The following HDAC8 variants were observed in gnomAD, a reference collection of about 807,000 sequenced individuals.
HDAC8 encodes histone deacetylase 8.
In HDAC8, 1 loss-of-function variant was observed where a neutral mutation model predicts 32.2. The observed-to-expected ratio is 0.03, with a 90% CI of 0.01 to 0.15. The LOEUF (loss-of-function observed/expected upper bound fraction) is 0.15, where lower values mean the gene tolerates loss of function less well. HDAC8 is among the 10% of genes least tolerant of loss of function. HDAC8 has a pLI of 1.00. For synonymous variants in HDAC8, 108 were observed against 113.9 expected (o/e 0.95, Z 0.33); for missense variants, 117 against 300.0 (o/e 0.39, Z 4.51).
intron 10 of HDAC8, chrX:72,351,214 C>T (rs181931363): frequency 6.6e-5 from 13 of 196,132 alleles, no homozygotes; most frequent in African/African-American, 2.8e-4. Flanking sequence ...ATCCTCCTGC[C>T]TCAGCCTCTC....
chrX:72,552,276 AC>A (rs1465852705), intron 4 of HDAC8, among the ~76,000 whole-genome samples: 1 of 109,815 alleles, frequency 9.1e-6, no homozygotes, highest in African/African-American at 3.3e-5. Context: ...AGCCTAGGCA[AC>A]ATAAGGAGAC....
chrX:72,486,079 C>T (rs1429811246), intron 7 of HDAC8, among the ~76,000 whole-genome samples: 1 of 108,949 alleles, frequency 9.2e-6, no homozygotes, highest in Non-Finnish European at 1.9e-5. Flanking sequence ...CCTAGATCGC[C>T]GACAGAGTGA....
chrX:72,495,699 T>C (rs7057134), intron 4 of HDAC8, among the ~76,000 whole-genome samples: 3,174 of 111,607 alleles, frequency 0.028, 109 homozygotes, highest in African/African-American at 0.097. Flanking sequence ...ATGTAGAAGA[T>C]GTTAGAGATT....
intron 7 of HDAC8, among the ~76,000 whole-genome samples, chrX:72,469,936 G>A (rs1326284621): frequency 2.7e-5 from 3 of 110,540 alleles, no homozygotes; most frequent in African/African-American, 9.9e-5. Context: ...ATCACTTGAG[G>A]TCAGGAGTTT....
chrX:72,439,053 G>T (rs1278140874), intron 9 of HDAC8, among the ~76,000 whole-genome samples: 6 of 111,338 alleles, frequency 5.4e-5, no homozygotes, highest in Non-Finnish European at 1.1e-4. Context: ...ATTGTTAAGG[G>T]CAGCCAGAGA....
chrX:72,398,608 G>C lies in HDAC8; in HGVS notation c.1006-46770C>G, dbSNP rs782729741. Among the ~76,000 whole-genome samples the C allele has an allele frequency of 5.5e-5, 6 of 109,591 alleles. No individual in the cohort carries two copies. The South Asian group carries it at 2.4e-3, about 44-fold the overall frequency. ...CCTCGACCGAGATCTCTAAGTGTTGGGATTATAGGTGTGAGCCACCACGTC... is the reference window on the plus strand; with the variant it reads ...CCTCGACCGAGATCTCTAAGTGTTGCGATTATAGGTGTGAGCCACCACGTC... On this transcript the variant is annotated intron_variant, in intron 9 of 10. Transcript: ENST00000373573.
intron 9 of HDAC8, among the ~76,000 whole-genome samples, chrX:72,419,580 T>C (rs1206971069): frequency 9.0e-6 from 1 of 111,604 alleles, no homozygotes; most frequent in Non-Finnish European, 1.9e-5. Flanking sequence ...ACTTCTTCCT[T>C]TCTAATTTGG....
At chrX:72,397,887 T>C (rs1459667103) in intron 9 of HDAC8, among the ~76,000 whole-genome samples, 2 of 112,337 alleles carry the variant, frequency 1.8e-5, no homozygotes, top group African/African-American at 6.5e-5. Context: ...ATCTGTTGTT[T>C]CTAGTTTTCT....
chrX:72,553,964 T>C (rs2051180033), intron 4 of HDAC8, among the ~76,000 whole-genome samples: 1 of 112,217 alleles, frequency 8.9e-6, no homozygotes, highest in African/African-American at 3.2e-5. Context: ...GTTTCCTCTT[T>C]TGTGAATTGT....
At chrX:72,409,326 T>A (rs1426533968) in intron 9 of HDAC8, among the ~76,000 whole-genome samples, 1 of 111,705 alleles carries the variant, frequency 9.0e-6, no homozygotes, top group Admixed American at 9.5e-5. Context: ...ACCATTTTAA[T>A]CACCTCTGCA....
At chrX:72,472,066 TTA>T (rs201994014) in intron 7 of HDAC8, among the ~76,000 whole-genome samples, 1,619 of 109,622 alleles carry the variant, frequency 0.015, 34 homozygotes, top group African/African-American at 0.049. Context: ...TTATTTTATT[TTA>T]TTTATTTTTT....
At chrX:72,334,315 CT>C (rs1464376840) in intron 10 of HDAC8, among the ~76,000 whole-genome samples, 1 of 111,999 alleles carries the variant, frequency 8.9e-6, no homozygotes, top group African/African-American at 3.2e-5. Flanking sequence ...CCTCTTGATC[CT>C]TTTTTCATTT....
intron 9 of HDAC8, among the ~76,000 whole-genome samples, chrX:72,435,700 G>A (rs914564420): frequency 2.7e-5 from 3 of 111,898 alleles, no homozygotes; most frequent in African/African-American, 9.7e-5. Context: ...AGGCACAGTG[G>A]CTCACACCTG....
Position 72,572,086 on chromosome X carries a change from A to G in HDAC8, c.135T>C (p.Ile45=), listed in dbSNP as rs1556159779. 14 of 1,195,864 alleles carry G rather than the reference A, an allele frequency of 1.2e-5. No individual in the cohort carries two copies. Among genetic ancestry groups the G allele is most frequent in the Non-Finnish European group, 1.6e-5 (14 of 888,525 alleles). ...TCTGCTTATGCAGTGCATATGCTTC[A>G]ATCAAAGAATGCACCATACTGGCCT... The part of the protein sequence containing the change: ...PKRASMVHSL[I]EAYALHKQMR... The change falls in exon 2 of 11, where the codon ATT becomes ATC. Residue 45 remains isoleucine (I), a synonymous_variant. Coordinates refer to ENST00000373573, the MANE Select transcript of HDAC8 (RefSeq NM_018486.3).
chrX:72,445,647 C>G (rs782542554), intron 9 of HDAC8, among the ~76,000 whole-genome samples: 2 of 111,756 alleles, frequency 1.8e-5, no homozygotes, highest in South Asian at 7.5e-4. Context: ...TCTAAAACAC[C>G]AAAAGCAATG....
intron 9 of HDAC8, among the ~76,000 whole-genome samples, chrX:72,417,737 C>A (rs782117609): frequency 9.0e-6 from 1 of 111,576 alleles, no homozygotes; most frequent in East Asian, 2.8e-4. Flanking sequence ...TCATGTAAAT[C>A]CAAAAAGGAG....
chrX:72,498,372 C>T (rs1311722647), intron 4 of HDAC8, among the ~76,000 whole-genome samples: 1 of 111,323 alleles, frequency 9.0e-6, no homozygotes, highest in African/African-American at 3.3e-5. Flanking sequence ...CTGTATGGAA[C>T]GTTTCTACAG....
chrX:72,389,398 G>T (rs903387086), intron 9 of HDAC8, among the ~76,000 whole-genome samples: 2 of 111,913 alleles, frequency 1.8e-5, no homozygotes, highest in Admixed American at 9.5e-5. Context: ...ATTTTCAAAG[G>T]CTTTGTGAGG....
chrX:72,390,828 G>T (rs781806231), intron 9 of HDAC8, among the ~76,000 whole-genome samples: 3 of 111,995 alleles, frequency 2.7e-5, no homozygotes. Context: ...ATTTGCAAAT[G>T]GTTTATGTCT....
Sources: allele counts gnomAD v4.1 joint callset (sites outside exome capture counted in the v4.1 genomes callset), GRCh38; gene constraint gnomAD v4.1.1; transcripts MANE v1.5; gene names NCBI Gene and HGNC (gene_info 2026-07-23, HGNC 2026-07-21).